RBFOX1: variants seen among roughly 807,000 people sequenced by gnomAD.
The protein encoded by RBFOX1 is RNA binding protein fox-1 homolog 1.
A neutral mutation model predicts 57.7 loss-of-function variants in RBFOX1; 8 were observed. That is an observed-to-expected ratio of 0.14 (90% CI 0.08 to 0.25). The LOEUF is 0.25. RBFOX1 is among the 10% of genes least tolerant of loss of function. RBFOX1 has a pLI of 1.00. For synonymous variants in RBFOX1, 326 were observed against 222.4 expected (o/e 1.47, Z -4.15); for missense variants, 611 against 548.5 (o/e 1.11, Z -1.14).
At chr16:6,095,963 G>C (rs1338918333) in intron 1 of RBFOX1, among the ~76,000 whole-genome samples, 5 of 152,212 alleles carry the variant, frequency 3.3e-5, no homozygotes, top group African/African-American at 1.2e-4. Flanking sequence ...CCAGATCTCA[G>C]CCACCCAGGC....
intron 1 of RBFOX1, among the ~76,000 whole-genome samples, chr16:6,277,633 C>A (rs1003494048): frequency 2.1e-5 from 3 of 144,432 alleles, no homozygotes; most frequent in Admixed American, 7.1e-5. Flanking sequence ...ACCACGGCAA[C>A]CCAGCCTGGG....
At chr16:6,011,550 G>C (rs2094961362) in intron 4 of RBFOX1, among the ~76,000 whole-genome samples, 1 of 152,124 alleles carries the variant, frequency 6.6e-6, no homozygotes, top group African/African-American at 2.4e-5. Flanking sequence ...TACTACAACT[G>C]CCGTGTAGGC....
chr16:5,255,699 C>T (rs1029218049), intron 1 of RBFOX1, among the ~76,000 whole-genome samples: 6 of 151,970 alleles, frequency 3.9e-5, no homozygotes, highest in Admixed American at 2.6e-4. Context: ...CATCCACCCA[C>T]CTATCTATCC....
intron 3 of RBFOX1, among the ~76,000 whole-genome samples, chr16:6,680,083 G>T (rs1235431781): frequency 2.0e-5 from 3 of 151,846 alleles, no homozygotes; most frequent in African/African-American, 7.3e-5. Context: ...GAAGAGATTG[G>T]CAACTTGGAA....
chr16:5,667,885 A>C (rs1161680937), intron 3 of RBFOX1, among the ~76,000 whole-genome samples: 3 of 152,192 alleles, frequency 2.0e-5, no homozygotes, highest in Admixed American at 1.3e-4. Context: ...GATGCAGCGA[A>C]ACTGCCTGTG....
intron 3 of RBFOX1, among the ~76,000 whole-genome samples, chr16:5,738,801 C>T (rs1597046226): frequency 6.6e-6 from 1 of 152,272 alleles, no homozygotes; most frequent in East Asian, 1.9e-4. Flanking sequence ...AAACATATCA[C>T]AGTGGAATGC....
At chr16:7,482,485 GT>G (rs1178388160) in intron 4 of RBFOX1, among the ~76,000 whole-genome samples, 1 of 133,180 alleles carries the variant, frequency 7.5e-6, no homozygotes, top group Admixed American at 7.8e-5. Flanking sequence ...TGTTGTTGTT[GT>G]TGTTGTTGTT....
intron 4 of RBFOX1, among the ~76,000 whole-genome samples, chr16:7,098,861 T>C (rs2062149767): frequency 2.6e-5 from 4 of 152,160 alleles, no homozygotes. Flanking sequence ...CAAAATTTGG[T>C]CCTTATCCTA....
intron 3 of RBFOX1, among the ~76,000 whole-genome samples, chr16:6,786,495 T>G (rs915454444): frequency 3.3e-5 from 5 of 152,078 alleles, no homozygotes; most frequent in Admixed American, 2.0e-4. Flanking sequence ...TGTAGCCCCT[T>G]AAAAGACTGT....
Position 7,660,460 on chromosome 16 carries a change from T to G in RBFOX1, c.891-4469T>G, listed in dbSNP as rs1011800193. Reference sequence around the variant, plus strand: ...ACATGGATCCCTGTGCCTCTTTCCCTGCATATCTTATATTTTAAGTGCAGC... The same window carrying G: ...ACATGGATCCCTGTGCCTCTTTCCCGGCATATCTTATATTTTAAGTGCAGC... On this transcript the variant is annotated intron_variant, in intron 12 of 15. Transcript: ENST00000550418. Among the ~76,000 whole-genome samples, 3 of 152,248 alleles carry G rather than the reference T, an allele frequency of 2.0e-5. No individual in the cohort carries two copies. The East Asian group carries it at 5.8e-4, about 29-fold the overall frequency.
intron 2 of RBFOX1, among the ~76,000 whole-genome samples, chr16:5,561,729 A>G (rs896847666): frequency 2.0e-5 from 3 of 152,158 alleles, no homozygotes; most frequent in African/African-American, 7.2e-5. Flanking sequence ...CCCAGGACTT[A>G]CTGGGCAATC....
At chr16:6,477,062 C>T (rs933373168) in intron 2 of RBFOX1, among the ~76,000 whole-genome samples, 1 of 152,178 alleles carries the variant, frequency 6.6e-6, no homozygotes, top group African/African-American at 2.4e-5. Flanking sequence ...AATTCTAGTT[C>T]TTTAGCTATT....
chr16:7,148,790 C>T (rs894036465), intron 4 of RBFOX1, among the ~76,000 whole-genome samples: 20 of 152,294 alleles, frequency 1.3e-4, no homozygotes, highest in African/African-American at 4.1e-4. Context: ...ATCCTGAGTT[C>T]GGCAGCCCCA....
At chr16:7,152,586 C>T (rs367830011) in intron 4 of RBFOX1, among the ~76,000 whole-genome samples, 84 of 151,992 alleles carry the variant, frequency 5.5e-4, no homozygotes, top group Non-Finnish European at 8.5e-4. Flanking sequence ...ATTTCATTTG[C>T]ATCATTGATA....
chr16:6,673,648 G>A (rs2098782091), intron 3 of RBFOX1, among the ~76,000 whole-genome samples: 1 of 152,168 alleles, frequency 6.6e-6, no homozygotes, highest in African/African-American at 2.4e-5. Flanking sequence ...AATGAAATAT[G>A]GGGCTGACTT....
At chr16:5,726,313 C>T (rs916069660) in intron 3 of RBFOX1, among the ~76,000 whole-genome samples, 1 of 152,018 alleles carries the variant, frequency 6.6e-6, no homozygotes, top group Non-Finnish European at 1.5e-5. Context: ...ATTTGTCAGG[C>T]CTGACTTTCT....
At chr16:6,783,630 T>C (rs2081408379) in intron 3 of RBFOX1, among the ~76,000 whole-genome samples, 1 of 152,130 alleles carries the variant, frequency 6.6e-6, no homozygotes, top group Admixed American at 6.6e-5. Flanking sequence ...ATTATTATTT[T>C]TCATAGGTTT....
chr16:7,504,759 A>ATATT (rs2072503973), intron 4 of RBFOX1, among the ~76,000 whole-genome samples: 1 of 8,680 alleles, frequency 1.2e-4, no homozygotes, highest in African/African-American at 2.0e-4. Context: ...ATATATTTAT[A>ATATT]TATATATATA....
chr16:5,561,097 C>G (rs1597535018), intron 2 of RBFOX1, among the ~76,000 whole-genome samples: 1 of 152,130 alleles, frequency 6.6e-6, no homozygotes, highest in African/African-American at 2.4e-5. Context: ...TGTCTTCCTC[C>G]CAGTACAACA....
Sources: allele counts gnomAD v4.1 joint callset (sites outside exome capture counted in the v4.1 genomes callset), GRCh38; gene constraint gnomAD v4.1.1; transcripts MANE v1.5; gene names NCBI Gene and HGNC (gene_info 2026-07-23, HGNC 2026-07-21).